ECPAS: variants seen among roughly 807,000 people sequenced by gnomAD.
ECPAS encodes the protein Ecm29 proteasome adaptor and scaffold.
ECPAS carries 70 observed loss-of-function variants against 255.1 expected under a neutral mutation model. The ratio of observed to expected loss-of-function variants is 0.27; its 90% CI spans 0.23 to 0.33. ECPAS has a LOEUF of 0.33. Ranked by LOEUF, ECPAS falls within the 10% of genes least tolerant of loss-of-function variation. The pLI is 1.00. For synonymous variants in ECPAS, 784 were observed against 775.0 expected, an observed-to-expected ratio of 1.01 and a Z score of -0.19; for missense variants, 1,817 against 2,206.4, an observed-to-expected ratio of 0.82 and a Z score of 3.54.
Position 111,366,255 on chromosome 9 carries a change from T to C in ECPAS, c.5292A>G (p.Ser1764=). 2 of 1,570,010 alleles carry C rather than the reference T, an allele frequency of 1.3e-6. No individual in the cohort carries two copies. The highest frequency in any genetic ancestry group is 1.7e-6 in the Non-Finnish European group (2 of 1,155,656). Residue 1764 remains serine, a synonymous_variant, in exon 48 of 50, where the codon TCA becomes TCG. Coordinates refer to ENST00000684092, the MANE Select transcript of ECPAS (RefSeq NM_001364929.1). ...LAEILLETCK[S]ITYSLENKTY... is the part of the protein sequence containing the mutation. ...TACACTCACCTAAAGAATATGTGATTGATTTACAAGTTTCAAGCAGAATTT... is the reference window on the plus strand; with the variant it reads ...TACACTCACCTAAAGAATATGTGATCGATTTACAAGTTTCAAGCAGAATTT...
intron 7 of ECPAS, among the ~76,000 whole-genome samples, chr9:111,433,679 A>G (rs902134639): frequency 1.3e-5 from 2 of 152,180 alleles, no homozygotes; most frequent in Non-Finnish European, 2.9e-5. Context: ...AGCCTCTCTG[A>G]CTCCAAAATT....
At chr9:111,470,842 A>G (rs2098287001) in intron 2 of ECPAS, among the ~76,000 whole-genome samples, 1 of 151,860 alleles carries the variant, frequency 6.6e-6, no homozygotes, top group African/African-American at 2.4e-5. Flanking sequence ...CCAGGTGACA[A>G]GACAGAAGCC....
chr9:111,369,795 G>T (rs2098125178), intron 45 of ECPAS, among the ~76,000 whole-genome samples: 1 of 151,990 alleles, frequency 6.6e-6, no homozygotes, highest in African/African-American at 2.4e-5. Context: ...TTTTCCACAT[G>T]AAACTTGAGT....
intron 35 of ECPAS, 79 bp downstream of exon 35, chr9:111,383,132 C>T: frequency 1.9e-6 from 3 of 1,543,644 alleles, no homozygotes; most frequent in Non-Finnish European, 2.7e-6. Flanking sequence ...CCATATTTTC[C>T]AGAATCTAAC....
chr9:111,378,024 T>C (rs1358884853), intron 36 of ECPAS, among the ~76,000 whole-genome samples: 1 of 151,962 alleles, frequency 6.6e-6, no homozygotes, highest in African/African-American at 2.4e-5. Context: ...CGCTCACCTG[T>C]AATCTCAGCT....
intron 20 of ECPAS, 112 bp from the exon 21 acceptor site, chr9:111,412,260 AAAAC>A (rs2098195862): frequency 2.2e-6 from 2 of 903,368 alleles, no homozygotes; most frequent in Admixed American, 8.0e-5. Flanking sequence ...TATTGAGAAA[AAAAC>A]AAGCCATTAT....
At position 111,481,301 on chromosome 9, in the gene ECPAS, T is replaced by C. The variant is rs948875921; in HGVS notation, c.-83+2815A>G. Among the ~76,000 whole-genome samples, 4 of 151,936 alleles carry C rather than the reference T, an allele frequency of 2.6e-5. No individual in the cohort carries two copies. In the East Asian group the frequency reaches 7.8e-4, roughly 29 times the overall value. On this transcript the variant is annotated intron_variant, in intron 1 of 49. Coordinates refer to ENST00000684092, the MANE Select transcript of ECPAS (RefSeq NM_001364929.1). ...CACAGCAGATCACAAGGTCAGGAGATCAAGACCATCTTGGCTAACACAGTG... is the reference window on the plus strand; with the variant it reads ...CACAGCAGATCACAAGGTCAGGAGACCAAGACCATCTTGGCTAACACAGTG...
intron 2 of ECPAS, among the ~76,000 whole-genome samples, chr9:111,462,812 G>A (rs1181145298): frequency 6.8e-6 from 1 of 146,278 alleles, no homozygotes; most frequent in Non-Finnish European, 1.5e-5. Context: ...GTGCAATCTC[G>A]GCTCACTGCA....
rs1197720450 is a variant in ECPAS at position 111,372,598 on chromosome 9, A to G, written c.4359T>C (p.Cys1453=). 1 of 1,612,588 alleles carries G rather than the reference A, an allele frequency of 6.2e-7. No homozygotes were observed. The highest frequency in any genetic ancestry group is 1.7e-5 in the Admixed American group (1 of 59,852). Residue 1453 remains cysteine, a synonymous_variant, in exon 42 of 50, where the codon TGT becomes TGC. Transcript: ENST00000684092. ...EKEEPIYKTS[C]ALTIHAIGRY... ...GTCCAATAGCATGAATAGTCAAAGC[A>G]CAAGAGGTCTTGTAGATAGGTTCTG...
chr9:111,371,781 G>T lies in ECPAS; in HGVS notation c.4577C>A (p.Thr1526Asn). ...GGACTGAGACTGCAAAGCCTTCTGG[G>T]TAATAGTAATTAACTCCTGCAGGTA... ...RLYLQELITI[T>N]QKALQSQSWK... The change falls in exon 43 of 50, where the codon ACC becomes AAC. Residue 1526 changes from threonine (T) to asparagine (N), a missense_variant. This residue lies in a region of ECPAS where 960 missense variants were observed against 1,179.0 expected (regional missense o/e 0.81). Coordinates refer to ENST00000684092, the MANE Select transcript of ECPAS (RefSeq NM_001364929.1). 6.2e-7 allele frequency: 1 copy of T among 1,613,812 alleles called. No individual in the cohort carries two copies. Among genetic ancestry groups the T allele is most frequent in the African/African-American group, 1.3e-5 (1 of 75,048 alleles).
Position 111,378,603 on chromosome 9 carries a change from G to T in ECPAS, c.3931C>A (p.Leu1311Ile), listed in dbSNP as rs756999069. Residue 1311 changes from leucine to isoleucine, a missense_variant, in exon 36 of 50, where the codon CTC (leucine) becomes ATC (isoleucine). Leu to Ile is a conservative substitution (Grantham distance 5). Around this residue, in one of 4 missense-constraint regions of ECPAS, gnomAD observed 960 missense variants for 1,179.0 expected, o/e 0.81. Transcript: ENST00000684092. ...LEPQVLNYLS[L>I]RATEQEKAAM... The stretch of plus-strand genomic sequence containing the variant: ...ACCTTTTCTTGCTCTGTCGCCCGGA[G>T]GCTCAAATAATTGAGAACTTGGGGC... The T allele has an allele frequency of 3.1e-6, 5 of 1,613,546 alleles. No homozygotes were observed. Among genetic ancestry groups the T allele is most frequent in the Non-Finnish European group, 3.4e-6 (4 of 1,179,546 alleles).
At chr9:111,454,272 G>A (rs1456906445) in intron 2 of ECPAS, among the ~76,000 whole-genome samples, 1 of 127,594 alleles carries the variant, frequency 7.8e-6, no homozygotes, top group Non-Finnish European at 1.6e-5. Context: ...CTGACCTAGA[G>A]AATCTCTGTC....
chr9:111,367,966 C>T (rs1442682620), intron 46 of ECPAS, among the ~76,000 whole-genome samples: 2 of 150,548 alleles, frequency 1.3e-5, no homozygotes, highest in Non-Finnish European at 2.9e-5. Context: ...CACTTGAGCC[C>T]AGGAGGTAAA....
intron 2 of ECPAS, among the ~76,000 whole-genome samples, chr9:111,466,705 G>C (rs2098280075): frequency 6.6e-6 from 1 of 152,022 alleles, no homozygotes; most frequent in Admixed American, 6.6e-5. Context: ...CTGAGGTGCA[G>C]TGATGCAGTT....
At chr9:111,468,800 A>G (rs770384955) in intron 2 of ECPAS, among the ~76,000 whole-genome samples, 2 of 152,050 alleles carry the variant, frequency 1.3e-5, no homozygotes, top group Non-Finnish European at 2.9e-5. Flanking sequence ...AAAATTGGAA[A>G]TATCAGGCTG....
intron 2 of ECPAS, among the ~76,000 whole-genome samples, chr9:111,466,049 C>G (rs1008642308): frequency 6.6e-6 from 1 of 150,982 alleles, no homozygotes; most frequent in African/African-American, 2.4e-5. Context: ...AAAAAGTATA[C>G]AGAGCAAATA....
At chr9:111,364,535 G>A (rs1184646991) in intron 48 of ECPAS, among the ~76,000 whole-genome samples, 2 of 152,158 alleles carry the variant, frequency 1.3e-5, no homozygotes, top group African/African-American at 4.8e-5. Flanking sequence ...GGTGAATGTG[G>A]ACAAAGTGCT....
At chr9:111,391,339 A>C (rs773709699) in intron 29 of ECPAS, among the ~76,000 whole-genome samples, 17 of 152,138 alleles carry the variant, frequency 1.1e-4, no homozygotes, top group Admixed American at 6.5e-5. Flanking sequence ...GCACTTTGGG[A>C]GGCCGAGGTG....
intron 1 of ECPAS, among the ~76,000 whole-genome samples, chr9:111,476,799 A>C (rs911426659): frequency 2.6e-5 from 4 of 152,036 alleles, no homozygotes; most frequent in Admixed American, 6.6e-5. Flanking sequence ...AGTAGCTGGA[A>C]CTACAGGCGT....
Sources: gnomAD v4.1 joint callset for allele counts (sites outside exome capture counted in the v4.1 genomes callset) on GRCh38, gnomAD v4.1.1 for gene constraint, gnomAD v4.1.1 regional missense constraint, MANE v1.5 for transcripts, NCBI Gene and HGNC (gene_info 2026-07-23, HGNC 2026-07-21) for gene names.